Variants in SKOR2 observed in about 807,000 individuals in gnomAD.
SKOR2 encodes the protein SKI family transcriptional corepressor 2.
In SKOR2, 47 loss-of-function variants were observed where a neutral mutation model predicts 69.1. That is an observed-to-expected ratio of 0.68 (90% CI 0.54 to 0.87). The LOEUF (loss-of-function observed/expected upper bound fraction) is 0.87. Among genes scored for constraint, SKOR2 ranks in the 40% least tolerant of loss-of-function variants. The pLI, the probability that SKOR2 is intolerant of heterozygous loss-of-function variation, is 0.00. For synonymous variants in SKOR2, 717 were observed against 672.6 expected, an observed-to-expected ratio of 1.07 and a Z score of -1.02; for missense variants, 1,404 against 1,472.2, an observed-to-expected ratio of 0.95 and a Z score of 0.76.
At chr18:47,230,625 G>A in intron 5 of SKOR2, 68 bp from the exon 6 acceptor site, 1 of 994,894 alleles carries the variant, frequency 1.0e-6, no homozygotes, top group Non-Finnish European at 1.4e-6. Context: ...TGTTATATAT[G>A]GCAATTTATT....
Position 47,219,927 on chromosome 18 carries a change from T to C in SKOR2, c.2985+16A>G, listed in dbSNP as rs2064155843. The C allele has an allele frequency of 3.9e-6, 6 of 1,532,476 alleles. No individual in the cohort carries two copies. The highest frequency in any genetic ancestry group is 1.7e-4 in the Middle Eastern group (1 of 5,974). 94.9% of individuals were successfully genotyped at this position (1,532,476 alleles called of 1,614,324 possible). A position where few individuals can be genotyped will look rare whatever the true frequency, so the allele number is the denominator to read the frequency against. The stretch of plus-strand genomic sequence containing the variant: ...CAATTAAGTTGCATTTATTTTTAAG[T>C]AGAAATGCAGCTTACAATTTGTAAC... On this transcript the variant is annotated intron_variant, in intron 7 of 8. Transcript: ENST00000425639.
At chr18:47,210,628 C>A (rs935100913) in intron 8 of SKOR2, among the ~76,000 whole-genome samples, 1 of 152,128 alleles carries the variant, frequency 6.6e-6, no homozygotes, top group Non-Finnish European at 1.5e-5. Context: ...TCACACTGCT[C>A]GTGCAAACCT....
intron 4 of SKOR2, among the ~76,000 whole-genome samples, chr18:47,235,021 A>G (rs1266360720): frequency 6.6e-6 from 1 of 152,146 alleles, no homozygotes; most frequent in Non-Finnish European, 1.5e-5. Context: ...GTTGGAGAGT[A>G]ACGGGTAACT....
chr18:47,249,257 C>G (rs2144521251), intron 1 of SKOR2, 27 bp from the exon 2 acceptor site: 1 of 1,461,054 alleles, frequency 6.8e-7, no homozygotes, highest in South Asian at 1.4e-5. Flanking sequence ...AAAGCGTTGA[C>G]TTGAGCCTTT....
intron 4 of SKOR2, 50 bp from the exon 5 acceptor site, chr18:47,231,050 G>T: frequency 6.5e-7 from 1 of 1,534,706 alleles, no homozygotes; most frequent in South Asian, 1.2e-5. Flanking sequence ...GGCTAGTTCT[G>T]TAAGTTTTCC....
At chr18:47,240,881 G>A (rs917813209) in intron 4 of SKOR2, among the ~76,000 whole-genome samples, 1 of 152,128 alleles carries the variant, frequency 6.6e-6, no homozygotes, top group African/African-American at 2.4e-5. Context: ...ATTGCATACC[G>A]ACTTATCAGG....
At chr18:47,215,001 A>C (rs1229572389) in intron 7 of SKOR2, among the ~76,000 whole-genome samples, 1 of 152,000 alleles carries the variant, frequency 6.6e-6, no homozygotes, top group Non-Finnish European at 1.5e-5. Context: ...GTTTAAAAAA[A>C]AAAAGTGACT....
At chr18:47,235,245 C>T (rs566321897) in intron 4 of SKOR2, among the ~76,000 whole-genome samples, 49 of 152,164 alleles carry the variant, frequency 3.2e-4, no homozygotes, top group Middle Eastern at 6.8e-3. Context: ...CTTCTAGTTC[C>T]GGCTAATCTG....
chr18:47,221,314 A>T (rs72913159), intron 6 of SKOR2, among the ~76,000 whole-genome samples: 1,882 of 152,308 alleles, frequency 0.012, 26 homozygotes, highest in Non-Finnish European at 0.019. Context: ...ATGTGGTGCC[A>T]TGCAAAGATT....
At chr18:47,244,001 G>A (rs973902580) in intron 4 of SKOR2, among the ~76,000 whole-genome samples, 9 of 152,060 alleles carry the variant, frequency 5.9e-5, no homozygotes, top group Non-Finnish European at 1.0e-4. Flanking sequence ...TTCTTCCCAT[G>A]ATACATAAAA....
Position 47,206,427 on chromosome 18 carries a change from C to A in SKOR2, c.*469G>T, listed in dbSNP as rs868347884. 6.6e-6 allele frequency: 1 copy of A among 152,110 alleles called. No homozygotes were observed. The highest frequency in any genetic ancestry group is 1.5e-5 in the Non-Finnish European group (1 of 68,018). 9.4% of individuals were successfully genotyped at this position (152,110 alleles called of 1,614,324 possible). ...GCTGGTGCCTTCCCATCCATTGAAA[C>A]GCTATCCCCACTCCTAGGATGGGTC... On this transcript the variant is annotated 3_prime_UTR_variant, in exon 9 of 9. Transcript: ENST00000425639.
In SKOR2 at chr18:47,248,213, A is replaced by G; in HGVS notation, c.971T>C (p.Val324Ala). 4 of 1,230,204 alleles carry G rather than the reference A, an allele frequency of 3.3e-6. No individual in the cohort carries two copies. The highest frequency in any genetic ancestry group is 4.0e-6 in the Non-Finnish European group (4 of 988,908). The allele number at this position is 1,230,204 out of a possible 1,614,324, so 76.2% of individuals were successfully genotyped here. A position where few individuals can be genotyped will look rare whatever the true frequency, so the allele number is the denominator to read the frequency against. ...DDDSLQEAAVVAAASLSAAAA... is the reference protein window; with the variant it reads ...DDDSLQEAAVAAAASLSAAAA... ...TGCGGCCGAGAGGCTGGCGGCGGCC[A>G]CTACGGCGGCCTCCTGCAAGGAGTC... is the stretch of plus-strand genomic sequence containing the variant. The change falls in exon 2 of 9, where the codon GTG becomes GCG. Residue 324 changes from valine to alanine, a missense_variant. Transcript: ENST00000425639. The surrounding 1 kb of genome is among the most constrained non-coding windows in gnomAD (Gnocchi z 6.4).
intron 8 of SKOR2, among the ~76,000 whole-genome samples, chr18:47,211,531 A>G (rs1237120389): frequency 6.6e-6 from 1 of 152,140 alleles, no homozygotes; most frequent in Non-Finnish European, 1.5e-5. Flanking sequence ...TTGTCTTTTC[A>G]ATTTTCTTTT....
chr18:47,247,928 C>G lies in SKOR2; in HGVS notation c.1256G>C (p.Ser419Thr). 7.3e-7 allele frequency: 1 copy of G among 1,370,338 alleles called. No homozygotes were observed. Among genetic ancestry groups the G allele is most frequent in the Non-Finnish European group, 9.4e-7 (1 of 1,068,080 alleles). The allele number at this position is 1,370,338 out of a possible 1,614,324, so 84.9% of individuals were successfully genotyped here. A position where few individuals can be genotyped will look rare whatever the true frequency, so the allele number is the denominator to read the frequency against. The change falls in exon 2 of 9, where the codon AGC (serine) becomes ACC (threonine). Residue 419 changes from serine (S) to threonine (T), a missense_variant. Around this residue, in one of 3 missense-constraint regions of SKOR2, gnomAD observed 1,266 missense variants for 1,309.9 expected, o/e 0.97. Transcript: ENST00000425639. This position sits in a 1 kb window ranked among gnomAD's most constrained non-coding sequence, Gnocchi z 6.6. ...CGCATCCTCTTTCTTATGGCACAAG[C>G]TGAAGGCGGCGGCCGCGGCAGGGAA... ...YTFPAAAAAF[S>T]LCHKKEDAGA...
chr18:47,245,448 G>A, intron 3 of SKOR2, 50 bp downstream of exon 3: 4 of 1,439,196 alleles, frequency 2.8e-6, no homozygotes, highest in Non-Finnish European at 3.6e-6. Flanking sequence ...CACAGAAATG[G>A]TTAAATGCAG....
chr18:47,228,488 C>T (rs1314772252), intron 6 of SKOR2, among the ~76,000 whole-genome samples: 1 of 152,088 alleles, frequency 6.6e-6, no homozygotes, highest in Non-Finnish European at 1.5e-5. Flanking sequence ...TTATGGATTA[C>T]TTAATTCCTT....
At chr18:47,240,293 G>T (rs1007185160) in intron 4 of SKOR2, among the ~76,000 whole-genome samples, 1 of 152,102 alleles carries the variant, frequency 6.6e-6, no homozygotes, top group Non-Finnish European at 1.5e-5. Flanking sequence ...TGTCTTACCA[G>T]CTTACCCCAC....
At chr18:47,230,232 A>T (rs2064192544) in intron 6 of SKOR2, among the ~76,000 whole-genome samples, 1 of 152,066 alleles carries the variant, frequency 6.6e-6, no homozygotes, top group Non-Finnish European at 1.5e-5. Context: ...GCACATACAG[A>T]TACACATATA....
intron 4 of SKOR2, among the ~76,000 whole-genome samples, chr18:47,235,320 A>G (rs2064217657): frequency 6.6e-6 from 1 of 152,158 alleles, no homozygotes. Context: ...ACCACTGGCC[A>G]CTGCACTCCA....
Sources: gnomAD v4.1 joint callset for allele counts (sites outside exome capture counted in the v4.1 genomes callset) on GRCh38, gnomAD v4.1.1 for gene constraint, gnomAD v4.1.1 regional missense constraint, Gnocchi (gnomAD v3.1) non-coding constraint, MANE v1.5 for transcripts, NCBI Gene and HGNC (gene_info 2026-07-23, HGNC 2026-07-21) for gene names.